The following SPATA6 variants were observed in gnomAD, a reference collection of about 807,000 sequenced individuals.
SPATA6 encodes the protein spermatogenesis-associated protein 6.
Under a neutral mutation model 65.3 loss-of-function variants are expected in SPATA6, and 56 were observed. That is an observed-to-expected ratio of 0.86 (90% CI 0.69 to 1.07). SPATA6 has a LOEUF of 1.07. SPATA6 is among the 50% of genes least tolerant of loss of function. SPATA6 has a pLI of 0.00. For missense variants in SPATA6, 590 were observed against 594.8 expected, an observed-to-expected ratio of 0.99 and a Z score of 0.08; for synonymous variants, 199 against 213.2, an observed-to-expected ratio of 0.93 and a Z score of 0.58.
At chr1:48,347,149 A>G (rs1327802480) in intron 11 of SPATA6, among the ~76,000 whole-genome samples, 1 of 152,010 alleles carries the variant, frequency 6.6e-6, no homozygotes, top group Non-Finnish European at 1.5e-5. Flanking sequence ...CAGAGAACCC[A>G]GAAATAAGGC....
At chr1:48,273,721 T>C in the SPATA6 span, among the ~76,000 whole-genome samples, 2 of 152,206 alleles carry the variant, frequency 1.3e-5, no homozygotes, top group Non-Finnish European at 2.9e-5. Flanking sequence ...ATGTGCCACA[T>C]TTTCTTTATA....
chr1:48,439,260 G>T (rs540784262), intron 3 of SPATA6, among the ~76,000 whole-genome samples: 1 of 152,296 alleles, frequency 6.6e-6, no homozygotes, highest in African/African-American at 2.4e-5. Flanking sequence ...GAATGCGTCG[G>T]TAAGGGCCAC....
chr1:48,284,290 GTTC>G, the SPATA6 span, among the ~76,000 whole-genome samples: 1 of 152,094 alleles, frequency 6.6e-6, no homozygotes, highest in East Asian at 1.9e-4. Context: ...GGTCATTTAT[GTTC>G]TTCTTTAAAC....
chr1:48,282,842 C>A, the SPATA6 span, among the ~76,000 whole-genome samples: 695 of 152,192 alleles, frequency 4.6e-3, 4 homozygotes, highest in African/African-American at 0.015. Context: ...GGTATATACC[C>A]AAAGGACTAT....
intron 9 of SPATA6, among the ~76,000 whole-genome samples, chr1:48,363,739 C>G (rs1461819903): frequency 6.6e-6 from 1 of 150,624 alleles, no homozygotes; most frequent in Non-Finnish European, 1.5e-5. Context: ...GAAACTGGTA[C>G]AGGTAAAAAA....
chr1:48,289,310 A>G, the SPATA6 span, among the ~76,000 whole-genome samples: 1 of 152,226 alleles, frequency 6.6e-6, no homozygotes, highest in Non-Finnish European at 1.5e-5. Context: ...AAACTAAAAA[A>G]CAGAAAGGAC....
At chr1:48,310,120 C>A (rs912071256) in intron 11 of SPATA6, among the ~76,000 whole-genome samples, 2 of 152,154 alleles carry the variant, frequency 1.3e-5, no homozygotes, top group Non-Finnish European at 2.9e-5. Context: ...TTTCATTGGT[C>A]TATTGTTTAA....
intron 3 of SPATA6, chr1:48,436,280 A>G: frequency 3.7e-6 from 6 of 1,613,848 alleles, no homozygotes; most frequent in African/African-American, 1.3e-5. Context: ...AAAGCTTTAC[A>G]GAAAGCCGTG....
intron 12 of SPATA6, among the ~76,000 whole-genome samples, chr1:48,304,798 C>A (rs1438212845): frequency 6.6e-6 from 1 of 152,110 alleles, no homozygotes; most frequent in Non-Finnish European, 1.5e-5. Flanking sequence ...TCACTTCTTG[C>A]CCAAATTAGA....
chr1:48,263,650 C>A, the SPATA6 span, among the ~76,000 whole-genome samples: 7 of 152,318 alleles, frequency 4.6e-5, no homozygotes, highest in South Asian at 1.0e-3. Context: ...ACTCATAAAG[C>A]CTTTTCAGAT....
intron 12 of SPATA6, among the ~76,000 whole-genome samples, chr1:48,302,212 G>A (rs968993366): frequency 1.3e-5 from 2 of 151,882 alleles, no homozygotes; most frequent in South Asian, 2.1e-4. Context: ...TTTAATTGTT[G>A]CTATTTTATT....
downstream of SPATA6, among the ~76,000 whole-genome samples, chr1:48,291,884 CA>C (rs1456748854): frequency 6.6e-6 from 1 of 152,178 alleles, no homozygotes; most frequent in Non-Finnish European, 1.5e-5. Flanking sequence ...TCCTAGCCAC[CA>C]TTTTCCCCCA....
At chr1:48,270,940 T>C in the SPATA6 span, among the ~76,000 whole-genome samples, 1 of 152,134 alleles carries the variant, frequency 6.6e-6, no homozygotes, top group African/African-American at 2.4e-5. Context: ...TAACTCTTAA[T>C]TAAGACAGCT....
chr1:48,336,400 C>T (rs1646060985), intron 11 of SPATA6, among the ~76,000 whole-genome samples: 1 of 151,980 alleles, frequency 6.6e-6, no homozygotes, highest in South Asian at 2.1e-4. Context: ...CAACAGTAGA[C>T]TGGATAAAGA....
intron 9 of SPATA6, among the ~76,000 whole-genome samples, chr1:48,372,926 ACAGGGAC>A (rs1647457634): frequency 6.6e-6 from 1 of 152,148 alleles, no homozygotes; most frequent in Non-Finnish European, 1.5e-5. Flanking sequence ...TGCACACAGC[ACAGGGAC>A]CCTGGGCCCA....
At chr1:48,420,214 G>T (rs1295451958) in intron 3 of SPATA6, among the ~76,000 whole-genome samples, 1 of 152,130 alleles carries the variant, frequency 6.6e-6, no homozygotes, top group East Asian at 1.9e-4. Flanking sequence ...CTGGAGGGTG[G>T]CTCATCCAGG....
chr1:48,377,218 C>T (rs1336300177), intron 9 of SPATA6, among the ~76,000 whole-genome samples: 1 of 152,122 alleles, frequency 6.6e-6, no homozygotes, highest in Non-Finnish European at 1.5e-5. Context: ...ATAAATCTCG[C>T]CATGTCACCT....
intron 9 of SPATA6, among the ~76,000 whole-genome samples, chr1:48,381,682 T>A (rs940473065): frequency 1.7e-4 from 2 of 11,538 alleles, no homozygotes; most frequent in African/African-American, 3.1e-4. Context: ...AGTTAAATTT[T>A]TTTTCTTTTT....
chr1:48,327,745 A>G (rs1053616518), intron 11 of SPATA6, among the ~76,000 whole-genome samples: 2 of 152,190 alleles, frequency 1.3e-5, no homozygotes, highest in African/African-American at 4.8e-5. Flanking sequence ...GTTCTCGTTT[A>G]TAAGTGGAAG....
Sources: gnomAD v4.1 joint callset for allele counts (sites outside exome capture counted in the v4.1 genomes callset) on GRCh38, gnomAD v4.1.1 for gene constraint, MANE v1.5 for transcripts, NCBI Gene and HGNC (gene_info 2026-07-23, HGNC 2026-07-21) for gene names.